Variants in CEP112 observed in about 807,000 individuals in gnomAD.
The protein encoded by CEP112 is centrosomal protein of 112 kDa.
CEP112 carries 127 observed loss-of-function variants against 153.0 expected under a neutral mutation model. That is an observed-to-expected ratio of 0.83 (90% CI 0.72 to 0.96). The LOEUF is 0.96. Ranked by LOEUF, CEP112 falls within the 40% of genes least tolerant of loss-of-function variation. The pLI is 0.00. For missense variants in CEP112, 1,089 were observed against 1,101.2 expected (o/e 0.99, Z 0.16); for synonymous variants, 358 against 374.4 (o/e 0.96, Z 0.51).
At chr17:66,063,237 C>A (rs771148442) in intron 10 of CEP112, among the ~76,000 whole-genome samples, 156 bp from the exon 11 acceptor site, 2 of 152,118 alleles carry the variant, frequency 1.3e-5, no homozygotes, top group African/African-American at 4.8e-5. Context: ...CTCTTTTTCT[C>A]GATTTCTACC....
chr17:65,743,551 T>C (rs1172336675), intron 22 of CEP112, among the ~76,000 whole-genome samples: 7 of 152,170 alleles, frequency 4.6e-5, no homozygotes, highest in South Asian at 2.1e-4. Context: ...AATATACTTA[T>C]TAGAATGAGA....
chr17:65,845,508 C>T (rs1178497981), intron 21 of CEP112, among the ~76,000 whole-genome samples: 1 of 152,120 alleles, frequency 6.6e-6, no homozygotes, highest in Non-Finnish European at 1.5e-5. Flanking sequence ...TTTACATATA[C>T]ATTAAATTAT....
intron 21 of CEP112, among the ~76,000 whole-genome samples, chr17:65,791,495 G>A (rs1032236535): frequency 6.6e-6 from 1 of 152,044 alleles, no homozygotes; most frequent in Non-Finnish European, 1.5e-5. Context: ...AAAAGTATAA[G>A]GACAGTAATT....
intron 21 of CEP112, among the ~76,000 whole-genome samples, chr17:65,782,221 G>A (rs544357252): frequency 3.3e-5 from 5 of 151,956 alleles, no homozygotes; most frequent in African/African-American, 9.7e-5. Context: ...AGACATACAA[G>A]TGGCCAACAA....
chr17:65,987,177 T>C (rs1238352703), intron 17 of CEP112, among the ~76,000 whole-genome samples: 1 of 152,070 alleles, frequency 6.6e-6, no homozygotes, highest in Non-Finnish European at 1.5e-5. Flanking sequence ...CTCTATGAAA[T>C]ACAAGGTAAA....
intron 17 of CEP112, among the ~76,000 whole-genome samples, chr17:65,989,051 C>T (rs930798544): frequency 6.6e-6 from 1 of 151,422 alleles, no homozygotes; most frequent in South Asian, 2.1e-4. Context: ...ATGGTGAAAC[C>T]CTGTCTCTAC....
chr17:65,794,494 C>T (rs2054787706), intron 21 of CEP112, among the ~76,000 whole-genome samples: 1 of 152,140 alleles, frequency 6.6e-6, no homozygotes, highest in Non-Finnish European at 1.5e-5. Context: ...CATCCCACCA[C>T]TTTACTGAAA....
At chr17:65,684,089 G>C (rs2047669180) in intron 24 of CEP112, among the ~76,000 whole-genome samples, 1 of 151,956 alleles carries the variant, frequency 6.6e-6, no homozygotes, top group African/African-American at 2.4e-5. Context: ...TTCCACACCT[G>C]GGGTCTACAT....
intron 21 of CEP112, among the ~76,000 whole-genome samples, chr17:65,843,037 T>C (rs1434232324): frequency 1.3e-5 from 2 of 152,108 alleles, no homozygotes; most frequent in Non-Finnish European, 2.9e-5. Context: ...AAAAAAATTA[T>C]CCTATAAAAA....
intron 20 of CEP112, among the ~76,000 whole-genome samples, chr17:65,859,501 GA>G (rs2058235840): frequency 6.7e-6 from 1 of 149,486 alleles, no homozygotes; most frequent in Admixed American, 6.6e-5. Context: ...TGAATACACA[GA>G]AAAACATCTG....
At chr17:66,023,782 T>A (rs1002865306) in intron 16 of CEP112, among the ~76,000 whole-genome samples, 2 of 152,124 alleles carry the variant, frequency 1.3e-5, no homozygotes, top group Non-Finnish European at 2.9e-5. Context: ...AAAACTCACA[T>A]ATGAATATTA....
chr17:65,840,243 C>G (rs552619175), intron 21 of CEP112, among the ~76,000 whole-genome samples: 1 of 152,062 alleles, frequency 6.6e-6, no homozygotes, highest in South Asian at 2.1e-4. Context: ...AGAGGAATTG[C>G]ACCATCAGGC....
intron 6 of CEP112, among the ~76,000 whole-genome samples, chr17:66,119,606 A>G (rs1447999978): frequency 6.6e-6 from 1 of 152,194 alleles, no homozygotes; most frequent in Non-Finnish European, 1.5e-5. Context: ...ATGTACATAT[A>G]ATTTGTTTAT....
chr17:65,958,834 A>T (rs1174925301), intron 18 of CEP112, among the ~76,000 whole-genome samples: 3 of 152,058 alleles, frequency 2.0e-5, no homozygotes, highest in African/African-American at 7.2e-5. Context: ...CACAGACTGG[A>T]GTGGGAACTC....
At chr17:65,781,229 A>C (rs376789992) in intron 21 of CEP112, among the ~76,000 whole-genome samples, 72 of 152,282 alleles carry the variant, frequency 4.7e-4, no homozygotes, top group African/African-American at 1.5e-3. Flanking sequence ...ATAACATCCA[A>C]GTTGAGAGCC....
intron 6 of CEP112, among the ~76,000 whole-genome samples, chr17:66,120,731 G>A (rs145971036): frequency 1.3e-4 from 20 of 151,892 alleles, no homozygotes; most frequent in Non-Finnish European, 2.5e-4. Context: ...CTTGATATTA[G>A]CAAATCTATT....
intron 2 of CEP112, among the ~76,000 whole-genome samples, chr17:66,180,675 A>G (rs749976097): frequency 6.6e-6 from 1 of 152,166 alleles, no homozygotes; most frequent in Non-Finnish European, 1.5e-5. Flanking sequence ...TAATCTACAT[A>G]TAATGGTCTA....
rs2060607169 is a variant in CEP112, at chr17:65,919,126, G to GCAGC, written c.1980+8452_1980+8455dup. ...GGGGGATCTGAGGGCATAGCCTGAA[G>GCAGC]CAGCCTCTGCAAGCTGGAAGTTTCT... On this transcript the variant is annotated intron_variant, in intron 19 of 26. Coordinates refer to ENST00000535342, the MANE Select transcript of CEP112 (RefSeq NM_001199165.4). 2.0e-5 allele frequency among the ~76,000 whole-genome samples: 3 copies of GCAGC among 152,242 alleles called. No homozygotes were observed. In the South Asian group the frequency reaches 6.2e-4, roughly 31 times the overall value.
chr17:65,833,009 C>A (rs910513265), intron 21 of CEP112, among the ~76,000 whole-genome samples: 2 of 152,128 alleles, frequency 1.3e-5, no homozygotes, highest in Non-Finnish European at 1.5e-5. Context: ...TAATCCACCA[C>A]GATCAAGTAG....
Sources: allele counts gnomAD v4.1 joint callset (sites outside exome capture counted in the v4.1 genomes callset), GRCh38; gene constraint gnomAD v4.1.1; transcripts MANE v1.5; gene names NCBI Gene and HGNC (gene_info 2026-07-23, HGNC 2026-07-21).